EGFLAM: variants seen among roughly 807,000 people sequenced by gnomAD.
The protein encoded by EGFLAM is EGF like, fibronectin type III and laminin G domains, also known as pikachurin.
In EGFLAM, 79 loss-of-function variants were observed where a neutral mutation model predicts 113.1. That is an observed-to-expected ratio of 0.70 (90% CI 0.58 to 0.84). The LOEUF (loss-of-function observed/expected upper bound fraction) is 0.84, where lower values mean the gene tolerates loss of function less well. Among genes scored for constraint, EGFLAM ranks in the 40% least tolerant of loss-of-function variants. EGFLAM has a pLI of 0.00. For synonymous variants in EGFLAM, 504 were observed against 487.6 expected, an observed-to-expected ratio of 1.03 and a Z score of -0.44; for missense variants, 1,265 against 1,291.6, an observed-to-expected ratio of 0.98 and a Z score of 0.32.
intron 1 of EGFLAM, among the ~76,000 whole-genome samples, chr5:38,284,534 C>T (rs1758104414): frequency 6.6e-6 from 1 of 152,292 alleles, no homozygotes; most frequent in East Asian, 1.9e-4. Context: ...GCTGAACCTG[C>T]TTTAGAGTGC....
chr5:38,400,841 A>G (rs1741092161), intron 6 of EGFLAM, among the ~76,000 whole-genome samples: 1 of 152,092 alleles, frequency 6.6e-6, no homozygotes, highest in Admixed American at 6.6e-5. Context: ...GGATTCTTTG[A>G]GCCTTAGTTG....
chr5:38,363,928 C>G (rs1739993075), intron 5 of EGFLAM, among the ~76,000 whole-genome samples: 1 of 152,186 alleles, frequency 6.6e-6, no homozygotes, highest in South Asian at 2.1e-4. Context: ...GGTAGGAAAG[C>G]AGCCATAAAC....
intron 5 of EGFLAM, among the ~76,000 whole-genome samples, chr5:38,364,751 G>A (rs1207555480): frequency 1.3e-5 from 2 of 152,178 alleles, no homozygotes; most frequent in East Asian, 1.9e-4. Context: ...TATACTGGAA[G>A]GTGATCTAAT....
intron 1 of EGFLAM, among the ~76,000 whole-genome samples, chr5:38,264,847 C>T (rs747934646): frequency 6.6e-6 from 1 of 152,252 alleles, no homozygotes; most frequent in Non-Finnish European, 1.5e-5. Context: ...ATCCCCAGCA[C>T]CCAACTCCTA....
intron 1 of EGFLAM, among the ~76,000 whole-genome samples, chr5:38,316,002 G>A (rs540232885): frequency 4.8e-4 from 72 of 150,528 alleles, no homozygotes; most frequent in East Asian, 1.6e-3. Flanking sequence ...GCTTGAACCC[G>A]GCATGCGGAG....
intron 1 of EGFLAM, among the ~76,000 whole-genome samples, chr5:38,273,968 C>G (rs1438950579): frequency 6.6e-6 from 1 of 151,908 alleles, no homozygotes; most frequent in Non-Finnish European, 1.5e-5. Flanking sequence ...TGCGTAGAAA[C>G]AGTTAAATGA....
chr5:38,373,427 T>G (rs542443824), intron 6 of EGFLAM, among the ~76,000 whole-genome samples: 1 of 152,264 alleles, frequency 6.6e-6, no homozygotes, highest in Admixed American at 6.5e-5. Context: ...CCCGCTGCCT[T>G]TTGGAGTCCC....
intron 16 of EGFLAM, among the ~76,000 whole-genome samples, 176 bp from the exon 17 acceptor site, chr5:38,438,099 G>A (rs894896614): frequency 6.8e-6 from 1 of 146,458 alleles, no homozygotes; most frequent in Non-Finnish European, 1.5e-5. Flanking sequence ...TCCAGCCTGG[G>A]CAACACAGAA....
intron 1 of EGFLAM, among the ~76,000 whole-genome samples, chr5:38,316,994 A>G (rs1738613374): frequency 6.6e-6 from 1 of 152,148 alleles, no homozygotes; most frequent in Non-Finnish European, 1.5e-5. Context: ...GCTTCCGGCA[A>G]TGTTCCGGTG....
chr5:38,268,891 TA>T (rs1209664731), intron 1 of EGFLAM, among the ~76,000 whole-genome samples: 2 of 152,098 alleles, frequency 1.3e-5, no homozygotes, highest in African/African-American at 4.8e-5. Context: ...TTAATCCCTT[TA>T]AAAAAAGTTG....
At chr5:38,463,432 A>G (rs1239573665) in intron 21 of EGFLAM, among the ~76,000 whole-genome samples, 1 of 152,230 alleles carries the variant, frequency 6.6e-6, no homozygotes, top group Non-Finnish European at 1.5e-5. Flanking sequence ...GATATTTTCT[A>G]TTGAAAGCAT....
At chr5:38,343,305 C>T (rs1295459440) in intron 3 of EGFLAM, among the ~76,000 whole-genome samples, 1 of 151,280 alleles carries the variant, frequency 6.6e-6, no homozygotes, top group African/African-American at 2.4e-5. Context: ...ACTTGGGAGT[C>T]TGAGGCAGGA....
intron 1 of EGFLAM, among the ~76,000 whole-genome samples, chr5:38,259,685 A>G (rs1420534250): frequency 6.6e-6 from 1 of 152,232 alleles, no homozygotes; most frequent in Non-Finnish European, 1.5e-5. Flanking sequence ...AGAATTCTGA[A>G]AAATCTGTTT....
intron 1 of EGFLAM, among the ~76,000 whole-genome samples, chr5:38,284,370 T>C (rs1324841631): frequency 6.6e-6 from 1 of 152,216 alleles, no homozygotes; most frequent in Non-Finnish European, 1.5e-5. Flanking sequence ...TTTATTTCTA[T>C]TTACGGGGTC....
intron 1 of EGFLAM, among the ~76,000 whole-genome samples, chr5:38,286,576 T>G (rs2111775024): frequency 6.6e-6 from 1 of 152,318 alleles, no homozygotes; most frequent in East Asian, 1.9e-4. Context: ...ATGGTGGACT[T>G]CCTGCCAGGA....
chr5:38,463,408 A>G (rs1490845934), intron 21 of EGFLAM, among the ~76,000 whole-genome samples: 1 of 152,214 alleles, frequency 6.6e-6, no homozygotes, highest in Non-Finnish European at 1.5e-5. Context: ...ATGAAAAGCT[A>G]TTTTTATCTA....
intron 1 of EGFLAM, among the ~76,000 whole-genome samples, chr5:38,303,186 G>T (rs1248338789): frequency 6.6e-6 from 1 of 152,152 alleles, no homozygotes; most frequent in Non-Finnish European, 1.5e-5. Flanking sequence ...AATCTGAGTT[G>T]TCTCCCCAAG....
At chr5:38,362,100 A>G (rs1185606269) in intron 5 of EGFLAM, among the ~76,000 whole-genome samples, 5 of 152,182 alleles carry the variant, frequency 3.3e-5, no homozygotes, top group East Asian at 1.9e-4. Flanking sequence ...ACAAAAGCCA[A>G]CGAGGATCTG....
intron 12 of EGFLAM, among the ~76,000 whole-genome samples, chr5:38,422,325 CTTGAG>C (rs1282608959): frequency 6.6e-6 from 1 of 152,268 alleles, no homozygotes; most frequent in East Asian, 1.9e-4. Flanking sequence ...CCCCATCACT[CTTGAG>C]TTAAGAGTTT....
Sources: allele counts gnomAD v4.1 joint callset (sites outside exome capture counted in the v4.1 genomes callset), GRCh38; gene constraint gnomAD v4.1.1; transcripts MANE v1.5; gene names NCBI Gene and HGNC (gene_info 2026-07-23, HGNC 2026-07-21).